PNPT1: variants seen among roughly 807,000 people sequenced by gnomAD.
PNPT1 encodes the protein polyribonucleotide nucleotidyltransferase 1, mitochondrial.
PNPT1 carries 53 observed loss-of-function variants against 119.5 expected under a neutral mutation model. The observed-to-expected ratio is 0.44, with a 90% CI of 0.36 to 0.56. PNPT1 has a LOEUF of 0.56. PNPT1 is among the 20% of genes least tolerant of loss of function. The pLI is 0.00. For missense variants in PNPT1, 948 were observed against 938.5 expected (o/e 1.01, Z -0.13); for synonymous variants, 357 against 322.1 (o/e 1.11, Z -1.16).
chr2:55,679,298 A>C lies in PNPT1; in HGVS notation c.679+384T>G, dbSNP rs552518315. Among the ~76,000 whole-genome samples, 91 of 152,296 alleles carry C rather than the reference A, an allele frequency of 6.0e-4. 1 individual carries two copies. The highest frequency in any genetic ancestry group is 2.1e-3 in the African/African-American group (88 of 41,552). On this transcript the variant is annotated intron_variant, in intron 8 of 27. Transcript: ENST00000447944. ...TAGCTAAATTATAATGTTTAAACTAATAAAATGGTTACTACCAGACTTAGA... is the reference window on the plus strand; with the variant it reads ...TAGCTAAATTATAATGTTTAAACTACTAAAATGGTTACTACCAGACTTAGA...
intron 7 of PNPT1, among the ~76,000 whole-genome samples, chr2:55,680,507 T>C (rs762458484): frequency 4.0e-5 from 6 of 148,398 alleles, no homozygotes; most frequent in Admixed American, 6.7e-5. Context: ...AAATCTGTAA[T>C]ACCGTAACAT....
rs368159642 is a variant in PNPT1, at chr2:55,654,888, T to C, written c.1495+12A>G. On this transcript the variant is annotated intron_variant, in intron 18 of 27. Coordinates refer to ENST00000447944, the MANE Select transcript of PNPT1 (RefSeq NM_033109.5). ...GAGCAATATCAGCAGTTTTGAGACA[T>C]AATTCTTTTACCTGAATCCATTAAT... 1.6e-4 allele frequency: 262 copies of C among 1,612,066 alleles called. No homozygotes were observed. The highest frequency in any genetic ancestry group is 2.2e-4 in the Non-Finnish European group (258 of 1,178,660).
intron 11 of PNPT1, among the ~76,000 whole-genome samples, chr2:55,669,334 C>T (rs986450526): frequency 5.3e-5 from 8 of 152,134 alleles, no homozygotes; most frequent in Non-Finnish European, 8.8e-5. Context: ...AGATGTTAAG[C>T]TATTCTACCC....
chr2:55,679,277 T>C (rs758043129), intron 8 of PNPT1, among the ~76,000 whole-genome samples: 8 of 152,208 alleles, frequency 5.3e-5, no homozygotes, highest in Non-Finnish European at 1.2e-4. Flanking sequence ...ATGAAATAGC[T>C]AAATTATAAT....
chr2:55,651,226 G>A (rs1288544639), intron 18 of PNPT1, among the ~76,000 whole-genome samples: 1 of 151,614 alleles, frequency 6.6e-6, no homozygotes, highest in Admixed American at 6.6e-5. Flanking sequence ...CGCCCCTACT[G>A]GGAAGTGAGG....
chr2:55,645,810 C>G (rs1361219206), intron 21 of PNPT1, among the ~76,000 whole-genome samples: 3 of 149,802 alleles, frequency 2.0e-5, no homozygotes, highest in Admixed American at 6.8e-5. Context: ...GGATGAGCCA[C>G]CATGCCATGC....
Position 55,683,879 on chromosome 2 carries a change from G to C in PNPT1, c.404-45C>G, listed in dbSNP as rs1241999399. On this transcript the variant is annotated intron_variant, in intron 4 of 27. Transcript: ENST00000447944. ...CACATTAAACCGTACTGACAGAGTT[G>C]CTTTACAGTTCAAAACGTTTGAACT... The C allele has an allele frequency of 6.3e-6, 10 of 1,582,152 alleles. No individual in the cohort carries two copies. The South Asian group carries it at 1.0e-4, about 16-fold the overall frequency.
chr2:55,657,210 T>A (rs1285455033), intron 15 of PNPT1, among the ~76,000 whole-genome samples: 1 of 151,458 alleles, frequency 6.6e-6, no homozygotes. Context: ...ATGCCTGTAA[T>A]CCCAGCTACT....
At chr2:55,682,327 G>A (rs1697273919) in intron 5 of PNPT1, among the ~76,000 whole-genome samples, 2 of 151,616 alleles carry the variant, frequency 1.3e-5, no homozygotes, top group African/African-American at 4.9e-5. Context: ...AGGTGTGGTG[G>A]CAGACACCTG....
At chr2:55,649,900 A>G (rs1489619442) in intron 18 of PNPT1, among the ~76,000 whole-genome samples, 5 of 152,238 alleles carry the variant, frequency 3.3e-5, no homozygotes, top group Admixed American at 2.6e-4. Context: ...ATGGTATACA[A>G]TAATCAATGT....
chr2:55,670,187 T>C (rs892370411), intron 11 of PNPT1, among the ~76,000 whole-genome samples: 1 of 151,868 alleles, frequency 6.6e-6, no homozygotes, highest in Non-Finnish European at 1.5e-5. Context: ...TTATTTTTAT[T>C]TATTTATTTA....
chr2:55,651,626 C>T (rs1350867457), intron 18 of PNPT1, among the ~76,000 whole-genome samples: 12 of 151,080 alleles, frequency 7.9e-5, no homozygotes, highest in Non-Finnish European at 1.6e-4. Flanking sequence ...TACCCAGGGA[C>T]ACAAACACTG....
chr2:55,651,580 G>A (rs377219756), intron 18 of PNPT1, among the ~76,000 whole-genome samples: 22 of 152,014 alleles, frequency 1.4e-4, no homozygotes, highest in East Asian at 1.2e-3. Flanking sequence ...AAGGCAGCAT[G>A]CTCCTTAAGA....
At chr2:55,670,547 A>AAG in intron 11 of PNPT1, among the ~76,000 whole-genome samples, 1 of 152,274 alleles carries the variant, frequency 6.6e-6, no homozygotes, top group East Asian at 1.9e-4. Context: ...TAAATTACCT[A>AAG]AGTTCTGTAT....
intron 24 of PNPT1, 44 bp downstream of exon 24, chr2:55,643,275 C>G (rs766498947): frequency 4.3e-6 from 7 of 1,612,734 alleles, no homozygotes; most frequent in Non-Finnish European, 5.9e-6. Context: ...GTAGAAAAAA[C>G]AAATATAGCT....
rs925162273 is a variant in PNPT1, at chr2:55,675,302, A to T, written c.680-2223T>A. ...GAGAACCAGATTCAAAAAAAAAAAA[A>T]ATATGGCTGGGCATGGGGCTCATGC... On this transcript the variant is annotated intron_variant, in intron 8 of 27. Coordinates refer to ENST00000447944, the MANE Select transcript of PNPT1 (RefSeq NM_033109.5). 4.6e-5 allele frequency among the ~76,000 whole-genome samples: 7 copies of T among 151,872 alleles called. 1 individual carries two copies. The highest frequency in any genetic ancestry group is 1.5e-4 in the African/African-American group (6 of 41,324).
At chr2:55,665,557 AG>A (rs1346044166) in intron 13 of PNPT1, among the ~76,000 whole-genome samples, 1 of 152,244 alleles carries the variant, frequency 6.6e-6, no homozygotes, top group East Asian at 1.9e-4. Context: ...TATTAAAAAA[AG>A]AAAAACTGGC....
In PNPT1 at chr2:55,637,536, G is replaced by C. The variant is rs754737888; in HGVS notation, c.2196+16C>G. On this transcript the variant is annotated intron_variant, in intron 27 of 27. Coordinates refer to ENST00000447944, the MANE Select transcript of PNPT1 (RefSeq NM_033109.5). ...ACAATTTACAACTTCAAGGCTAAAA[G>C]GTGGAATACAAATACCTGAATTTCT... 1 of 1,584,174 alleles carries C rather than the reference G, an allele frequency of 6.3e-7. No homozygotes were observed. Among genetic ancestry groups the C allele is most frequent in the Non-Finnish European group, 8.7e-7 (1 of 1,153,180 alleles).
intron 8 of PNPT1, among the ~76,000 whole-genome samples, chr2:55,679,273 T>C (rs921807905): frequency 6.6e-6 from 1 of 152,166 alleles, no homozygotes; most frequent in Non-Finnish European, 1.5e-5. Flanking sequence ...TAGAATGAAA[T>C]AGCTAAATTA....
Sources: allele counts gnomAD v4.1 joint callset (sites outside exome capture counted in the v4.1 genomes callset), GRCh38; gene constraint gnomAD v4.1.1; transcripts MANE v1.5; gene names NCBI Gene and HGNC (gene_info 2026-07-23, HGNC 2026-07-21).